CAD: variants seen among roughly 807,000 people sequenced by gnomAD.
CAD encodes the protein carbamoyl-phosphate synthetase 2, aspartate transcarbamylase, and dihydroorotase.
In CAD, 81 loss-of-function variants were observed where a neutral mutation model predicts 237.2. The observed-to-expected ratio is 0.34, with a 90% confidence interval of 0.29 to 0.41. The LOEUF (loss-of-function observed/expected upper bound fraction) is 0.41, where lower values mean the gene tolerates loss of function less well. CAD is among the 10% of genes least tolerant of loss of function. The probability of loss-of-function intolerance (pLI) is 1.00; values close to 1 mark genes in which losing one functional copy is unlikely to be tolerated. For synonymous variants in CAD, 1,196 were observed against 1,162.8 expected, an observed-to-expected ratio of 1.03 and a Z score of -0.58; for missense variants, 2,181 against 2,951.7, an observed-to-expected ratio of 0.74 and a Z score of 6.05.
intron 3 of CAD, 77 bp downstream of exon 3, chr2:27,221,424 G>A (rs1675158374): frequency 2.0e-5 from 25 of 1,266,318 alleles, no homozygotes; most frequent in Non-Finnish European, 2.4e-5. Context: ...TCTGTAATCT[G>A]CTGGGACCTG....
chr2:27,223,452 AGG>A, intron 6 of CAD, 109 bp from the exon 7 acceptor site: 4 of 997,726 alleles, frequency 4.0e-6, no homozygotes, highest in Admixed American at 2.4e-5. Context: ...AAAAACAAAA[AGG>A]AAACAGGAGT....
In CAD at chr2:27,222,970, G is replaced by A; in HGVS notation, c.742G>A (p.Val248Ile). 1.2e-6 allele frequency: 2 copies of A among 1,614,154 alleles called. No homozygotes were observed. Among genetic ancestry groups the A allele is most frequent in the Non-Finnish European group, 1.7e-6 (2 of 1,180,038 alleles). ...TTTATCTGAGCCTAATCCCCGACCT[G>A]TCTTTGGGATCTGCCTGGGACACCA... Reference protein sequence around the residue: ...RVLSEPNPRPVFGICLGHQLL... With the variant: ...RVLSEPNPRPIFGICLGHQLL... Residue 248 changes from valine (V) to isoleucine (I), a missense_variant, in exon 6 of 44, where the codon GTC becomes ATC. By Grantham distance (29) the Val-to-Ile change is conservative. Transcript: ENST00000264705.
intron 11 of CAD, 27 bp downstream of exon 11, chr2:27,225,270 G>A (rs762198396): frequency 3.4e-6 from 4 of 1,174,510 alleles, no homozygotes; most frequent in East Asian, 4.8e-5. Flanking sequence ...GGTAAAGGAA[G>A]AATGGTGGTG....
Position 27,242,221 on chromosome 2 carries a change from G to A in CAD, c.6097-81G>A. On this transcript the variant is annotated intron_variant, in intron 39 of 43. Transcript: ENST00000264705. This position sits in a 1 kb window ranked among gnomAD's most constrained non-coding sequence, Gnocchi z 6.4. ...GTTTTCTGTGTTTTGGGCCAGATGAGTGAGGGGACCCCAGAAGAGGGGGAC... is the reference window on the plus strand; with the variant it reads ...GTTTTCTGTGTTTTGGGCCAGATGAATGAGGGGACCCCAGAAGAGGGGGAC... The A allele has an allele frequency of 6.3e-7, 1 of 1,582,662 alleles. No individual in the cohort carries two copies. The highest frequency in any genetic ancestry group is 8.6e-7 in the Non-Finnish European group (1 of 1,160,970).
At chr2:27,229,544 A>G (rs1675618461) in intron 15 of CAD, among the ~76,000 whole-genome samples, 1 of 152,038 alleles carries the variant, frequency 6.6e-6, no homozygotes, top group Admixed American at 6.6e-5. Flanking sequence ...GTGTTGGATT[A>G]CAGGTGAGAG....
chr2:27,236,899 G>A lies in CAD; in HGVS notation c.4396+69G>A, dbSNP rs1676038194. On this transcript the variant is annotated intron_variant, in intron 27 of 43. Transcript: ENST00000264705. This position sits in a 1 kb window ranked among gnomAD's most constrained non-coding sequence, Gnocchi z 4.1. ...CTGGCATAGAGACCTGCAGTGTGGT[G>A]AAGGATGGCTGGGGGGCCCACTCTT... The A allele has an allele frequency of 3.1e-6, 4 of 1,309,234 alleles. No individual in the cohort carries two copies. Among genetic ancestry groups the A allele is most frequent in the African/African-American group, 1.5e-5 (1 of 68,890 alleles). The allele number at this position is 1,309,234 out of a possible 1,614,324, so 81.1% of individuals were successfully genotyped here.
rs1676114273 is a variant in CAD at position 27,238,144 on chromosome 2, C to G, written c.4817C>G (p.Thr1606Ser). 7.4e-6 allele frequency: 12 copies of G among 1,614,098 alleles called. No homozygotes were observed. In the South Asian group the frequency reaches 1.1e-4, roughly 15 times the overall value. Residue 1606 changes from threonine (T) to serine (S), a missense_variant, in exon 30 of 44, where the codon ACT becomes AGT. Physicochemically the swap from Thr to Ser is moderately conservative, Grantham distance 58. This residue lies in a region of CAD where 478 missense variants were observed against 515.0 expected (regional missense o/e 0.93). Coordinates refer to ENST00000264705, the MANE Select transcript of CAD (RefSeq NM_004341.5). ...GCTGTCCTCATGGTGGCTCAGCTCA[C>G]TCAGCGCTCAGTGCACATATGTCAC... ...VAAVLMVAQL[T>S]QRSVHICHVA...
rs1203059524 is a variant in CAD at position 27,240,302 on chromosome 2, C to T, written c.5534C>T (p.Pro1845Leu). Reference protein sequence around the residue: ...ERPRRGIPGLPDGRFHLPPRI... With the variant: ...ERPRRGIPGLLDGRFHLPPRI... ...CCCCGCCGTGGCATCCCAGGGCTTC[C>T]TGATGGCCGCTTCCATCTGCCGCCC... Residue 1845 changes from proline (P) to leucine (L), a missense_variant, in exon 35 of 44, where the codon CCT becomes CTT. Physicochemically the swap from Pro to Leu is moderately conservative, Grantham distance 98 (BLOSUM62 -3). Transcript: ENST00000264705. This position sits in a 1 kb window ranked among gnomAD's most constrained non-coding sequence, Gnocchi z 4.6. The T allele has an allele frequency of 6.2e-7, 1 of 1,614,018 alleles. No individual in the cohort carries two copies. The highest frequency in any genetic ancestry group is 8.5e-7 in the Non-Finnish European group (1 of 1,180,012).
At chr2:27,230,782 G>A (rs1479077375) in intron 15 of CAD, among the ~76,000 whole-genome samples, 2 of 152,204 alleles carry the variant, frequency 1.3e-5, no homozygotes, top group African/African-American at 4.8e-5. Context: ...TCCAGTTGGT[G>A]TTATGATTAT....
Position 27,239,448 on chromosome 2 carries a change from G to A in CAD, c.5371G>A (p.Glu1791Lys). The A allele has an allele frequency of 6.2e-7, 1 of 1,613,994 alleles. No homozygotes were observed. The highest frequency in any genetic ancestry group is 8.5e-7 in the Non-Finnish European group (1 of 1,179,944). ...GTVRRVVLRGEVAYIDGQVLV... is the reference protein window; with the variant it reads ...GTVRRVVLRGKVAYIDGQVLV... ...CGTCCGCCGTGTGGTCCTGCGAGGG[G>A]AGGTTGCCTATATCGATGGGCAGGT... Residue 1791 changes from glutamate to lysine, a missense_variant, in exon 33 of 44, where the codon GAG becomes AAG. Physicochemically the swap from Glu to Lys is moderately conservative, Grantham distance 56. This residue lies in a region of CAD where 478 missense variants were observed against 515.0 expected (regional missense o/e 0.93). Coordinates refer to ENST00000264705, the MANE Select transcript of CAD (RefSeq NM_004341.5). The surrounding 1 kb of genome is among the most constrained non-coding windows in gnomAD (Gnocchi z 4.0).
chr2:27,243,706 C>G lies in CAD; in HGVS notation c.*188C>G. The G allele has an allele frequency of 1.7e-6, 1 of 602,232 alleles. No individual in the cohort carries two copies. Among genetic ancestry groups the G allele is most frequent in the South Asian group, 2.0e-5 (1 of 49,216 alleles). 37.3% of individuals were successfully genotyped at this position (602,232 alleles called of 1,614,324 possible). A position where few individuals can be genotyped will look rare whatever the true frequency, so the allele number is the denominator to read the frequency against. ...GGGGCCTCAGATGCTGGGGCCCAGT[C>G]TGCCCCATCTTCATTCCTGCACCTT... On this transcript the variant is annotated 3_prime_UTR_variant, in exon 44 of 44. Transcript: ENST00000264705.
At position 27,242,675 on chromosome 2, in the gene CAD, T is replaced by G; in HGVS notation, c.6278T>G (p.Leu2093Arg). 1 of 1,613,646 alleles carries G rather than the reference T, an allele frequency of 6.2e-7. No individual in the cohort carries two copies. ...CGCACAGTACATTCCCTGGCCTGCCTGCTCACCCAGTATCGTGTCAGCCTG... is the reference window on the plus strand; with the variant it reads ...CGCACAGTACATTCCCTGGCCTGCCGGCTCACCCAGTATCGTGTCAGCCTG... The part of the protein sequence containing the change: ...HGRTVHSLAC[L>R]LTQYRVSLRY... Residue 2093 changes from leucine (L) to arginine (R), a missense_variant, in exon 41 of 44, where the codon CTG (leucine) becomes CGG (arginine). This residue lies in a region of CAD where 170 missense variants were observed against 212.1 expected (regional missense o/e 0.80). Coordinates refer to ENST00000264705, the MANE Select transcript of CAD (RefSeq NM_004341.5). This position sits in a 1 kb window ranked among gnomAD's most constrained non-coding sequence, Gnocchi z 6.4.
chr2:27,222,909 C>T lies in CAD; in HGVS notation c.681C>T (p.Ala227=). ...TAAGTAATGGGCCTGGTGACCCTGC[C>T]TCCTATCCCAGTGTCGTATCCACAC... is the stretch of plus-strand genomic sequence containing the variant. The part of the protein sequence containing the change: ...LFLSNGPGDP[A]SYPSVVSTLS... The change falls in exon 6 of 44, where the codon GCC becomes GCT. Residue 227 remains alanine, a synonymous_variant. Coordinates refer to ENST00000264705, the MANE Select transcript of CAD (RefSeq NM_004341.5). The T allele has an allele frequency of 1.2e-6, 2 of 1,614,192 alleles. No individual in the cohort carries two copies. The highest frequency in any genetic ancestry group is 1.7e-6 in the Non-Finnish European group (2 of 1,180,028).
At position 27,238,455 on chromosome 2, in the gene CAD, G is replaced by A. The variant is rs1676131306; in HGVS notation, c.4885G>A (p.Ala1629Thr). ...EEILLIKAAKARGLPVTCEVA... is the reference protein window; with the variant it reads ...EEILLIKAAKTRGLPVTCEVA... ...GATCCTGCTAATTAAAGCTGCAAAG[G>A]CACGGGGCTTGCCAGTGACCTGCGA... Residue 1629 changes from alanine (A) to threonine (T), a missense_variant, in exon 31 of 44, where the codon GCA (alanine) becomes ACA (threonine). Coordinates refer to ENST00000264705, the MANE Select transcript of CAD (RefSeq NM_004341.5). 1 of 1,593,730 alleles carries A rather than the reference G, an allele frequency of 6.3e-7. No individual in the cohort carries two copies. The highest frequency in any genetic ancestry group is 8.5e-7 in the Non-Finnish European group (1 of 1,169,694).
chr2:27,240,529 C>G lies in CAD; in HGVS notation c.5593+168C>G. 6.5e-7 allele frequency: 1 copy of G among 1,545,352 alleles called. No homozygotes were observed. The highest frequency in any genetic ancestry group is 8.8e-7 in the Non-Finnish European group (1 of 1,142,460). ...AAGTCTCCCCGGTGTGAGTAGACATCTCACAGCTTCTCACATGCCCTTTTT... is the reference window on the plus strand; with the variant it reads ...AAGTCTCCCCGGTGTGAGTAGACATGTCACAGCTTCTCACATGCCCTTTTT... On this transcript the variant is annotated intron_variant, in intron 35 of 43. Coordinates refer to ENST00000264705, the MANE Select transcript of CAD (RefSeq NM_004341.5). This position sits in a 1 kb window ranked among gnomAD's most constrained non-coding sequence, Gnocchi z 4.6.
In CAD at chr2:27,233,283, C is replaced by T; in HGVS notation, c.2992-29C>T. 4 of 1,595,206 alleles carry T rather than the reference C, an allele frequency of 2.5e-6. No homozygotes were observed. The highest frequency in any genetic ancestry group is 3.4e-6 in the Non-Finnish European group (4 of 1,163,038). On this transcript the variant is annotated intron_variant, in intron 19 of 43. Transcript: ENST00000264705. This position sits in a 1 kb window ranked among gnomAD's most constrained non-coding sequence, Gnocchi z 6.3. ...TCAGATTCCTGCCCTCTTTTGCTGCCACCACTTGTTTCTCCCCCTGCAACG... is the reference window on the plus strand; with the variant it reads ...TCAGATTCCTGCCCTCTTTTGCTGCTACCACTTGTTTCTCCCCCTGCAACG...
In CAD at chr2:27,240,797, C is replaced by A; in HGVS notation, c.5594-114C>A. ...TGCCCTCCCCTAACCTGCTATATTA[C>A]TGTGTTGTGAATTGGTTTAACATAT... On this transcript the variant is annotated intron_variant, in intron 35 of 43. Transcript: ENST00000264705. The surrounding 1 kb of genome is among the most constrained non-coding windows in gnomAD (Gnocchi z 4.6). 7.9e-7 allele frequency: 1 copy of A among 1,270,946 alleles called. No homozygotes were observed. The highest frequency in any genetic ancestry group is 1.1e-6 in the Non-Finnish European group (1 of 889,194). The allele number at this position is 1,270,946 out of a possible 1,614,324, so 78.7% of individuals were successfully genotyped here.
In CAD at chr2:27,239,475, C is replaced by G. The variant is rs376818898; in HGVS notation, c.5394+4C>G. 2.5e-6 allele frequency: 4 copies of G among 1,612,726 alleles called. No homozygotes were observed. In the African/African-American group the frequency reaches 4.0e-5, roughly 16 times the overall value. On this transcript the variant is annotated splice_donor_region_variant and intron_variant, in intron 33 of 43. Transcript: ENST00000264705. This position sits in a 1 kb window ranked among gnomAD's most constrained non-coding sequence, Gnocchi z 4.0. ...GGTTGCCTATATCGATGGGCAGGTA[C>G]GCAAGTAGCCCCTGCCTGATCTCAG...
At chr2:27,219,445 T>G (rs1453361726) in intron 2 of CAD, among the ~76,000 whole-genome samples, 1 of 152,016 alleles carries the variant, frequency 6.6e-6, no homozygotes, top group Non-Finnish European at 1.5e-5. Flanking sequence ...TGAGCTCAAG[T>G]AGTCCTCCCA....
Sources: gnomAD v4.1 joint callset for allele counts (sites outside exome capture counted in the v4.1 genomes callset) on GRCh38, gnomAD v4.1.1 for gene constraint, gnomAD v4.1.1 regional missense constraint, Gnocchi (gnomAD v3.1) non-coding constraint, MANE v1.5 for transcripts, NCBI Gene and HGNC (gene_info 2026-07-23, HGNC 2026-07-21) for gene names.